Variants in PAF1 observed in about 807,000 individuals in gnomAD.
PAF1 encodes the protein PAF1 component of Paf1/RNA polymerase II complex.
PAF1 carries 31 observed loss-of-function variants against 68.4 expected under a neutral mutation model. The ratio of observed to expected loss-of-function variants is 0.45; its 90% CI spans 0.34 to 0.61. The LOEUF is 0.61. Among genes scored for constraint, PAF1 ranks in the 20% least tolerant of loss-of-function variants. The probability of loss-of-function intolerance (pLI) is 0.01; values close to 1 mark genes in which losing one functional copy is unlikely to be tolerated. For missense variants in PAF1, 435 were observed against 692.9 expected (o/e 0.63, Z 4.18); for synonymous variants, 256 against 240.5 (o/e 1.06, Z -0.60).
intron 1 of PAF1, among the ~76,000 whole-genome samples, 159 bp from the exon 2 acceptor site, chr19:39,390,448 C>T (rs996069763): frequency 5.9e-5 from 9 of 152,154 alleles, no homozygotes; most frequent in African/African-American, 2.2e-4. Flanking sequence ...TGGAAGGAGA[C>T]AAATGTTCAA....
intron 11 of PAF1, 48 bp downstream of exon 11, chr19:39,388,291 C>G (rs1026230924): frequency 1.8e-5 from 29 of 1,609,174 alleles, no homozygotes; most frequent in African/African-American, 1.5e-4. Flanking sequence ...GCCCCAGGGT[C>G]TTAAGAAGCA....
At chr19:39,388,230 T>C in intron 11 of PAF1, 109 bp downstream of exon 11, 2 of 1,034,672 alleles carry the variant, frequency 1.9e-6, no homozygotes, top group Non-Finnish European at 3.0e-6. Context: ...TGTTTACCAA[T>C]GCATATGACA....
Position 39,385,874 on chromosome 19 carries a change from A to G in PAF1, c.*117T>C. 1 of 1,450,314 alleles carries G rather than the reference A, an allele frequency of 6.9e-7. No individual in the cohort carries two copies. Among genetic ancestry groups the G allele is most frequent in the South Asian group, 1.3e-5 (1 of 75,620 alleles). The allele number at this position is 1,450,314 out of a possible 1,614,324, so 89.8% of individuals were successfully genotyped here. On this transcript the variant is annotated 3_prime_UTR_variant, in exon 14 of 14. Transcript: ENST00000221265. The stretch of plus-strand genomic sequence containing the variant: ...AAGTAAAGAGAAGTTGACTTTATTA[A>G]CAGCAAAGGTTTGGGGGTGGGGAAC...
At position 39,386,697 on chromosome 19, in the gene PAF1, A is replaced by G; in HGVS notation, c.1089T>C (p.Ala363=). ...HRDMNEKELE[A]QEARKAQLEN... is the part of the protein sequence containing the mutation. ...CTGAGCCAGTGGTGCTTGTTACCTG[A>G]GCTTCCAGTTCCTTCTCATTCATGT... Residue 363 remains alanine (A), a synonymous_variant, in exon 12 of 14, where the codon GCT becomes GCC. Coordinates refer to ENST00000221265, the MANE Select transcript of PAF1 (RefSeq NM_019088.4). This position sits in a 1 kb window ranked among gnomAD's most constrained non-coding sequence, Gnocchi z 6.1. 1 of 1,612,448 alleles carries G rather than the reference A, an allele frequency of 6.2e-7. No homozygotes were observed. The highest frequency in any genetic ancestry group is 8.5e-7 in the Non-Finnish European group (1 of 1,178,568).
In PAF1 at chr19:39,388,573, C is replaced by T. The variant is rs1600610965; in HGVS notation, c.844G>A (p.Ala282Thr). ...KRDQEEEMDY[A>T]PDDVYDYKIA... ...CAACCCACGCACACATCATCTGGTG[C>T]ATAGTCCATCTCCTCCTCCTGGTCC... Residue 282 changes from alanine to threonine, a missense_variant, in exon 10 of 14, where the codon GCA becomes ACA. Around this residue, in one of 7 missense-constraint regions of PAF1, gnomAD observed 151 missense variants for 306.3 expected, o/e 0.49. Coordinates refer to ENST00000221265, the MANE Select transcript of PAF1 (RefSeq NM_019088.4). 6.2e-7 allele frequency: 1 copy of T among 1,614,048 alleles called. No homozygotes were observed. Among genetic ancestry groups the T allele is most frequent in the East Asian group, 2.2e-5 (1 of 44,888 alleles).
chr19:39,386,860 T>G lies in PAF1; in HGVS notation c.987-61A>C. ...ATGCAGTTAAAGACACACCTCCCAC[T>G]TCCCCGCCCCCCAGTGAGGGGTCTG... On this transcript the variant is annotated intron_variant, in intron 11 of 13. Transcript: ENST00000221265. This position sits in a 1 kb window ranked among gnomAD's most constrained non-coding sequence, Gnocchi z 6.1. The G allele has an allele frequency of 9.0e-7, 1 of 1,109,472 alleles. No individual in the cohort carries two copies. The highest frequency in any genetic ancestry group is 2.4e-4 in the Middle Eastern group (1 of 4,156). 68.7% of individuals were successfully genotyped at this position (1,109,472 alleles called of 1,614,324 possible).
rs769686280 is a variant in PAF1, at chr19:39,386,474, A to G, written c.1183+8T>C. On this transcript the variant is annotated splice_region_variant and intron_variant, in intron 13 of 13. Coordinates refer to ENST00000221265, the MANE Select transcript of PAF1 (RefSeq NM_019088.4). The surrounding 1 kb of genome is among the most constrained non-coding windows in gnomAD (Gnocchi z 6.1). ...AGGGCTCCCAGAGTCTGGCCTGTCC[A>G]GATTTACCTGAGCCCCCAGCTTCTT... The G allele has an allele frequency of 9.3e-6, 15 of 1,613,976 alleles. No homozygotes were observed. Among genetic ancestry groups the G allele is most frequent in the Non-Finnish European group, 1.1e-5 (13 of 1,180,020 alleles).
chr19:39,386,095 G>T lies in PAF1; in HGVS notation c.1492C>A (p.Arg498Ser). Reference sequence around the variant, plus strand: ...CCACTGGGGAAGGGACTGGCGCTGCGGCTGTGGCTCCGGCTCCGCTGGCCA... The same window carrying T: ...CCACTGGGGAAGGGACTGGCGCTGCTGCTGTGGCTCCGGCTCCGCTGGCCA... Reference protein sequence around the residue: ...GGGQRSRSHSRSASPFPSGSE... With the variant: ...GGGQRSRSHSSSASPFPSGSE... The change falls in exon 14 of 14, where the codon CGC (arginine) becomes AGC (serine). Residue 498 changes from arginine (R) to serine (S), a missense_variant. Arg to Ser is a moderately radical substitution (Grantham distance 110). Around this residue, in one of 7 missense-constraint regions of PAF1, gnomAD observed 83 missense variants for 99.9 expected, o/e 0.83. Coordinates refer to ENST00000221265, the MANE Select transcript of PAF1 (RefSeq NM_019088.4). This position sits in a 1 kb window ranked among gnomAD's most constrained non-coding sequence, Gnocchi z 6.1. The T allele has an allele frequency of 6.2e-7, 1 of 1,613,942 alleles. No homozygotes were observed. The highest frequency in any genetic ancestry group is 8.5e-7 in the Non-Finnish European group (1 of 1,180,004).
Sources: allele counts gnomAD v4.1 joint callset (sites outside exome capture counted in the v4.1 genomes callset), GRCh38; gene constraint gnomAD v4.1.1; regional missense constraint gnomAD v4.1.1; non-coding constraint Gnocchi (gnomAD v3.1); transcripts MANE v1.5; gene names NCBI Gene and HGNC (gene_info 2026-07-23, HGNC 2026-07-21).